Variants in RGS17 observed in about 807,000 individuals in gnomAD.
The protein encoded by RGS17 is regulator of G-protein signaling 17.
A neutral mutation model predicts 25.5 loss-of-function variants in RGS17; 12 were observed. The ratio of observed to expected loss-of-function variants is 0.47; its 90% CI spans 0.30 to 0.76. The LOEUF (loss-of-function observed/expected upper bound fraction) is 0.76, where lower values mean the gene tolerates loss of function less well. Among genes scored for constraint, RGS17 ranks in the 30% least tolerant of loss-of-function variants. The pLI is 0.07. For synonymous variants in RGS17, 71 were observed against 76.9 expected (o/e 0.92, Z 0.40); for missense variants, 196 against 242.2 (o/e 0.81, Z 1.27).
At chr6:153,080,772 A>C (rs184644896) in intron 1 of RGS17, among the ~76,000 whole-genome samples, 14 of 152,020 alleles carry the variant, frequency 9.2e-5, no homozygotes, top group Admixed American at 8.5e-4. Context: ...TCACCTAAGC[A>C]CTACTTTAGC....
At chr6:153,049,729 C>A (rs1776437285) in intron 1 of RGS17, among the ~76,000 whole-genome samples, 1 of 150,494 alleles carries the variant, frequency 6.6e-6, no homozygotes, top group African/African-American at 2.5e-5. Context: ...CCAGCCTGGG[C>A]AACAGAGTGA....
chr6:153,085,633 T>C (rs1013856208), intron 1 of RGS17, among the ~76,000 whole-genome samples: 1 of 152,226 alleles, frequency 6.6e-6, no homozygotes, highest in African/African-American at 2.4e-5. Context: ...GTCCCAAGGA[T>C]AATAACTTTT....
chr6:153,086,906 G>T (rs1231768129), intron 1 of RGS17, among the ~76,000 whole-genome samples: 2 of 151,848 alleles, frequency 1.3e-5, no homozygotes, highest in Non-Finnish European at 2.9e-5. Context: ...CACTTTTTTT[G>T]GTCTTGTGAT....
chr6:153,087,616 T>C lies in RGS17; in HGVS notation c.-26+43508A>G, dbSNP rs552369328. Among the ~76,000 whole-genome samples the C allele has an allele frequency of 3.3e-5, 5 of 152,328 alleles. No homozygotes were observed. The East Asian group carries it at 9.6e-4, about 29-fold the overall frequency. ...GGATTTCTAAGAATCAGTGGCTTTTTTGAGCTTTCCATTTCCCCTTTCTGA... is the reference window on the plus strand; with the variant it reads ...GGATTTCTAAGAATCAGTGGCTTTTCTGAGCTTTCCATTTCCCCTTTCTGA... On this transcript the variant is annotated intron_variant, in intron 1 of 4. Coordinates refer to ENST00000206262, the MANE Select transcript of RGS17 (RefSeq NM_012419.5).
chr6:153,099,183 C>T (rs1405912923), intron 1 of RGS17, among the ~76,000 whole-genome samples: 1 of 152,142 alleles, frequency 6.6e-6, no homozygotes, highest in African/African-American at 2.4e-5. Flanking sequence ...AATAAAAGTG[C>T]CATCTACTCA....
In RGS17 at chr6:153,130,443, GAAC is replaced by G. The variant is rs1777769804; in HGVS notation, c.-26+678_-26+680del. Reference sequence around the variant, plus strand: ...TTCCTTTGACTAAGGGGAGGGGAAGGAACAAAAGAGACCCCCCACCCCCTATAC... The same window carrying G: ...TTCCTTTGACTAAGGGGAGGGGAAGGAAAAGAGACCCCCCACCCCCTATAC... On this transcript the variant is annotated intron_variant, in intron 1 of 4. Transcript: ENST00000206262. This position sits in a 1 kb window ranked among gnomAD's most constrained non-coding sequence, Gnocchi z 6.4. Among the ~76,000 whole-genome samples the G allele has an allele frequency of 6.6e-6, 1 of 150,534 alleles. No homozygotes were observed. Among genetic ancestry groups the G allele is most frequent in the Non-Finnish European group, 1.5e-5 (1 of 67,732 alleles).
intron 1 of RGS17, among the ~76,000 whole-genome samples, chr6:153,096,270 G>A (rs763286134): frequency 1.3e-5 from 2 of 152,178 alleles, no homozygotes; most frequent in Non-Finnish European, 2.9e-5. Context: ...GAAAAGTGGA[G>A]TTCAATGTGG....
At chr6:153,070,682 T>C (rs1776777761) in intron 1 of RGS17, among the ~76,000 whole-genome samples, 1 of 115,240 alleles carries the variant, frequency 8.7e-6, no homozygotes, top group Non-Finnish European at 2.0e-5. Context: ...ATTGTGTGTG[T>C]GTGTGTGTGT....
At chr6:153,044,981 G>A (rs1007304248) in intron 1 of RGS17, among the ~76,000 whole-genome samples, 2 of 152,164 alleles carry the variant, frequency 1.3e-5, no homozygotes, top group African/African-American at 4.8e-5. Flanking sequence ...GGCAATGTAT[G>A]TAAATCATAC....
At chr6:153,018,335 G>A (rs571855704) in intron 4 of RGS17, among the ~76,000 whole-genome samples, 1 of 151,982 alleles carries the variant, frequency 6.6e-6, no homozygotes, top group South Asian at 2.1e-4. Flanking sequence ...GAAGATCTTG[G>A]GCTTGAATTC....
intron 2 of RGS17, among the ~76,000 whole-genome samples, chr6:153,037,034 ATTAT>A (rs1466966410): frequency 2.0e-5 from 3 of 152,170 alleles, no homozygotes; most frequent in African/African-American, 7.2e-5. Context: ...AAGATATTTG[ATTAT>A]TTGTCATTGC....
chr6:153,091,180 A>C (rs1777124914), intron 1 of RGS17, among the ~76,000 whole-genome samples: 1 of 152,216 alleles, frequency 6.6e-6, no homozygotes, highest in Admixed American at 6.5e-5. Flanking sequence ...AACCTGGGAT[A>C]GATTCCCACT....
chr6:153,081,861 T>C (rs1311977560), intron 1 of RGS17, among the ~76,000 whole-genome samples: 1 of 152,238 alleles, frequency 6.6e-6, no homozygotes, highest in Non-Finnish European at 1.5e-5. Context: ...TGTGCAGATC[T>C]GTTTCTACAT....
At chr6:153,065,720 T>C (rs1776697482) in intron 1 of RGS17, among the ~76,000 whole-genome samples, 1 of 152,026 alleles carries the variant, frequency 6.6e-6, no homozygotes, top group Non-Finnish European at 1.5e-5. Context: ...AATTGAGAAA[T>C]TTCTCAAAAC....
chr6:153,114,281 C>T lies in RGS17; in HGVS notation c.-26+16843G>A, dbSNP rs1292100921. 4.6e-5 allele frequency among the ~76,000 whole-genome samples: 7 copies of T among 151,990 alleles called. No individual in the cohort carries two copies. The East Asian group carries it at 1.3e-3, about 29-fold the overall frequency. On this transcript the variant is annotated intron_variant, in intron 1 of 4. Transcript: ENST00000206262. The stretch of plus-strand genomic sequence containing the variant: ...ACTGATCCCACAGAAATACAAACTA[C>T]ATCAGAGAATACTATAAACACCTCT...
chr6:153,016,017 T>A (rs1779180707), intron 4 of RGS17, among the ~76,000 whole-genome samples: 1 of 152,208 alleles, frequency 6.6e-6, no homozygotes, highest in South Asian at 2.1e-4. Context: ...TGGTATTTGC[T>A]TTATTGTGGT....
chr6:153,024,181 C>A, intron 4 of RGS17, 81 bp downstream of exon 4: 1 of 870,396 alleles, frequency 1.1e-6, no homozygotes, highest in East Asian at 2.6e-5. Context: ...ACACCCCATG[C>A]CCTACCCAAT....
intron 1 of RGS17, among the ~76,000 whole-genome samples, chr6:153,104,029 A>G (rs1210697126): frequency 6.6e-6 from 1 of 152,230 alleles, no homozygotes; most frequent in Non-Finnish European, 1.5e-5. Flanking sequence ...TTATTGAAAC[A>G]TGACACATTA....
intron 1 of RGS17, among the ~76,000 whole-genome samples, chr6:153,046,983 G>A (rs1173620610): frequency 3.9e-5 from 6 of 152,128 alleles, no homozygotes; most frequent in African/African-American, 9.7e-5. Flanking sequence ...AAAGACAAAA[G>A]CTGAATTACC....
Sources: allele counts gnomAD v4.1 joint callset (sites outside exome capture counted in the v4.1 genomes callset), GRCh38; gene constraint gnomAD v4.1.1; non-coding constraint Gnocchi (gnomAD v3.1); transcripts MANE v1.5; gene names NCBI Gene and HGNC (gene_info 2026-07-23, HGNC 2026-07-21).